The following RNF213 variants were observed in gnomAD, a reference collection of about 807,000 sequenced individuals.
The protein encoded by RNF213 is E3 ubiquitin-protein ligase RNF213.
A neutral mutation model predicts 514.4 loss-of-function variants in RNF213; 341 were observed. That is an observed-to-expected ratio of 0.66 (90% CI 0.61 to 0.73). The LOEUF (loss-of-function observed/expected upper bound fraction) is 0.73, where lower values mean the gene tolerates loss of function less well. RNF213 is among the 30% of genes least tolerant of loss of function. The pLI, the probability that RNF213 is intolerant of heterozygous loss-of-function variation, is 0.00. For synonymous variants in RNF213, 2,655 were observed against 2,658.2 expected (o/e 1.00, Z 0.04); for missense variants, 5,767 against 6,615.6 (o/e 0.87, Z 4.45).
rs142873017 is a variant in RNF213, at chr17:80,363,717, C to T, written c.11677C>T (p.Leu3893=). 2.4e-5 allele frequency: 38 copies of T among 1,613,810 alleles called. No individual in the cohort carries two copies. The highest frequency in any genetic ancestry group is 1.7e-4 in the African/African-American group (13 of 74,940). The change falls in exon 41 of 68, where the codon CTG becomes TTG. Residue 3893 remains leucine, a synonymous_variant. Coordinates refer to ENST00000582970, the MANE Select transcript of RNF213 (RefSeq NM_001256071.3). ...LQLVKNLSMP[L]ELICSDEHMQ... is the part of the protein sequence containing the mutation. Reference sequence around the variant, plus strand: ...GTTGGTGAAGAATCTTTCCATGCCGCTGGAGCTCATCTGCTCCGATGAGCA... The same window carrying T: ...GTTGGTGAAGAATCTTTCCATGCCGTTGGAGCTCATCTGCTCCGATGAGCA...
chr17:80,289,721 A>G lies in RNF213; in HGVS notation c.996A>G (p.Glu332=), dbSNP rs377600251. Residue 332 remains glutamate, a synonymous_variant, in exon 6 of 68, where the codon GAA becomes GAG. Coordinates refer to ENST00000582970, the MANE Select transcript of RNF213 (RefSeq NM_001256071.3). ...AAAEEKVGKN[E]QGEPEDLKKP... ...CTGAAGAAAAAGTCGGTAAGAATGA[A>G]CAAGGGGAGCCTGAAGACCTCAAGA... is the stretch of plus-strand genomic sequence containing the variant. 9 of 1,613,986 alleles carry G rather than the reference A, an allele frequency of 5.6e-6. No homozygotes were observed. Among genetic ancestry groups the G allele is most frequent in the Non-Finnish European group, 6.8e-6 (8 of 1,180,018 alleles).
In RNF213 at chr17:80,336,168, T is replaced by C; in HGVS notation, c.4317T>C (p.Asn1439=). The change falls in exon 23 of 68, where the codon AAT becomes AAC. Residue 1439 remains asparagine, a synonymous_variant. Transcript: ENST00000582970. ...CCCTCTTCTCTTCCCCAGGCATCAATGAGCTGAAGGTGTTTGTGGACCTGG... is the reference window on the plus strand; with the variant it reads ...CCCTCTTCTCTTCCCCAGGCATCAACGAGCTGAAGGTGTTTGTGGACCTGG... ...CWVREALGGI[N]ELKVFVDLAS... The C allele has an allele frequency of 6.5e-7, 1 of 1,537,106 alleles. No individual in the cohort carries two copies. Among genetic ancestry groups the C allele is most frequent in the South Asian group, 1.2e-5 (1 of 84,064 alleles).
chr17:80,306,216 G>C, intron 11 of RNF213, 36 bp from the exon 12 acceptor site: 2 of 1,593,030 alleles, frequency 1.3e-6, no homozygotes, highest in Non-Finnish European at 1.7e-6. Flanking sequence ...TGATCTCACT[G>C]CGTCTCTTTT....
In RNF213 at chr17:80,358,360, A is replaced by G; in HGVS notation, c.10935A>G (p.Arg3645=). ...LLASMISFID[R]DGNLELLTRP... is the part of the protein sequence containing the mutation. ...CGAGCATGATATCATTCATCGACAG[A>G]GACGGCAACCTAGAGTTACTGACCA... The change falls in exon 37 of 68, where the codon AGA becomes AGG. Residue 3645 remains arginine (R), a synonymous_variant. Coordinates refer to ENST00000582970, the MANE Select transcript of RNF213 (RefSeq NM_001256071.3). The G allele has an allele frequency of 6.2e-7, 1 of 1,614,204 alleles. No homozygotes were observed. Among genetic ancestry groups the G allele is most frequent in the Non-Finnish European group, 8.5e-7 (1 of 1,180,032 alleles).
At chr17:80,342,820 C>T (rs1020194562) in intron 26 of RNF213, among the ~76,000 whole-genome samples, 15 of 150,394 alleles carry the variant, frequency 1.0e-4, no homozygotes, top group African/African-American at 3.2e-4. Context: ...ATGACAACTG[C>T]ACCCTAAGGG....
In RNF213 at chr17:80,372,652, T is replaced by A; in HGVS notation, c.12669T>A (p.Val4223=). The change falls in exon 48 of 68, where the codon GTT becomes GTA. Residue 4223 remains valine, a synonymous_variant. Coordinates refer to ENST00000582970, the MANE Select transcript of RNF213 (RefSeq NM_001256071.3). Reference sequence around the variant, plus strand: ...GAGAGCCTGCCAACGAGGCCTCGGTTGAATACCTGCAAGAGGTGGCCCGGA... The same window carrying A: ...GAGAGCCTGCCAACGAGGCCTCGGTAGAATACCTGCAAGAGGTGGCCCGGA... ...RGREPANEAS[V]EYLQEVARIR... is the part of the protein sequence containing the mutation. 1.9e-6 allele frequency: 3 copies of A among 1,614,020 alleles called. No homozygotes were observed. The highest frequency in any genetic ancestry group is 2.5e-6 in the Non-Finnish European group (3 of 1,180,014).
intron 3 of RNF213, among the ~76,000 whole-genome samples, chr17:80,281,339 C>CA (rs2044264586): frequency 2.5e-5 from 1 of 40,282 alleles, no homozygotes. Flanking sequence ...CACACGCCCC[C>CA]ACACACACAC....
chr17:80,306,563 A>G, intron 12 of RNF213, 95 bp downstream of exon 12: 2 of 1,305,210 alleles, frequency 1.5e-6, no homozygotes, highest in Non-Finnish European at 2.2e-6. Flanking sequence ...CCTAAAAAAC[A>G]GACAGTGGGC....
rs1391953609 is a variant in RNF213, at chr17:80,352,988, T to C, written c.10352T>C (p.Met3451Thr). 1 of 1,613,950 alleles carries C rather than the reference T, an allele frequency of 6.2e-7. No homozygotes were observed. The highest frequency in any genetic ancestry group is 1.7e-5 in the Admixed American group (1 of 60,028). ...GATGACCTCCGGAGATCCACCCTCA[T>C]GGTTTCTGATGTGACCAGGCTGCAG... ...HIDDLRRSTL[M>T]VSDVTRLQHV... Residue 3451 changes from methionine (M) to threonine (T), a missense_variant, in exon 33 of 68, where the codon ATG becomes ACG. Transcript: ENST00000582970.
In RNF213 at chr17:80,393,644, T is replaced by A. The variant is rs545760501; in HGVS notation, c.*146T>A. The A allele has an allele frequency of 5.1e-5, 42 of 823,350 alleles. No homozygotes were observed. In the Admixed American group the frequency reaches 7.5e-4, roughly 15 times the overall value. The allele number at this position is 823,350 out of a possible 1,614,324, so 51.0% of individuals were successfully genotyped here. ...CACCGAATTCAAGACCAAGGCGTGC[T>A]ACCTGAGCTGACAGCTTTTTGAAAG... On this transcript the variant is annotated 3_prime_UTR_variant, in exon 68 of 68. Transcript: ENST00000582970.
Position 80,349,772 on chromosome 17 carries a change from C to T in RNF213, c.9954C>T (p.Ile3318=). The part of the protein sequence containing the change: ...DLERHAIFTE[I]TTFSRLLTSH... ...ATTTGCATTTCTTAACTCTGTAGAT[C>T]ACCACTTTCTCCAGGCTGCTAACAA... The change falls in exon 30 of 68, where the codon ATC becomes ATT. Residue 3318 remains isoleucine (I), a splice_region_variant and synonymous_variant. Transcript: ENST00000582970. 1 of 1,614,154 alleles carries T rather than the reference C, an allele frequency of 6.2e-7. No individual in the cohort carries two copies. Among genetic ancestry groups the T allele is most frequent in the East Asian group, 2.2e-5 (1 of 44,876 alleles).
At chr17:80,359,951 C>T (rs551044281) in intron 37 of RNF213, 110 bp from the exon 38 acceptor site, 1 of 1,127,524 alleles carries the variant, frequency 8.9e-7, no homozygotes, top group South Asian at 1.3e-5. Context: ...GGCCTGTTGG[C>T]CCCTTTGTTT....
chr17:80,358,550 C>A, intron 37 of RNF213, 71 bp downstream of exon 37: 1 of 1,409,714 alleles, frequency 7.1e-7, no homozygotes, highest in Non-Finnish European at 1.0e-6. Flanking sequence ...TATGCTCTCC[C>A]AAGTGCTGGG....
chr17:80,358,090 A>G (rs1238268673), intron 36 of RNF213, among the ~76,000 whole-genome samples, 198 bp from the exon 37 acceptor site: 1 of 152,234 alleles, frequency 6.6e-6, no homozygotes, highest in East Asian at 1.9e-4. Flanking sequence ...TCCGTCTCTA[A>G]TCTTAGACAT....
In RNF213 at chr17:80,331,998, T is replaced by A; in HGVS notation, c.3518-8T>A. The A allele has an allele frequency of 1.3e-6, 2 of 1,529,752 alleles. No individual in the cohort carries two copies. The highest frequency in any genetic ancestry group is 1.8e-6 in the Non-Finnish European group (2 of 1,141,234). 94.8% of individuals were successfully genotyped at this position (1,529,752 alleles called of 1,614,324 possible). A position where few individuals can be genotyped will look rare whatever the true frequency, so the allele number is the denominator to read the frequency against. On this transcript the variant is annotated splice_polypyrimidine_tract_variant and splice_region_variant and intron_variant, in intron 20 of 67. Coordinates refer to ENST00000582970, the MANE Select transcript of RNF213 (RefSeq NM_001256071.3). ...TTGACTTCTGACACTTTCTTTTCGC[T>A]TCTAAAGTGGACTTTGGAGTGCTTG...
intron 13 of RNF213, among the ~76,000 whole-genome samples, chr17:80,308,389 C>T (rs112158440): frequency 5.3e-5 from 8 of 151,998 alleles, no homozygotes; most frequent in African/African-American, 1.9e-4. Context: ...CCTAAGTGTC[C>T]TCTTAAGTCT....
chr17:80,264,039 G>A lies in RNF213; in HGVS notation c.97+261G>A, dbSNP rs1451222051. ...GTGCTTCCGTCCCTCGTTCAGGCCC[G>A]GCCTGAGTGAGCCCACCCGAGTGGG... On this transcript the variant is annotated intron_variant, in intron 2 of 67. Coordinates refer to ENST00000582970, the MANE Select transcript of RNF213 (RefSeq NM_001256071.3). The surrounding 1 kb of genome is among the most constrained non-coding windows in gnomAD (Gnocchi z 5.0). 6.6e-6 allele frequency among the ~76,000 whole-genome samples: 1 copy of A among 152,188 alleles called. No individual in the cohort carries two copies. The highest frequency in any genetic ancestry group is 2.4e-5 in the African/African-American group (1 of 41,446).
At chr17:80,271,389 C>T (rs1002769373) in intron 2 of RNF213, among the ~76,000 whole-genome samples, 2 of 152,210 alleles carry the variant, frequency 1.3e-5, no homozygotes, top group African/African-American at 4.8e-5. Context: ...TGGTCCCTGC[C>T]CTCCAGATCT....
chr17:80,342,119 A>T (rs536477552), intron 26 of RNF213: 2 of 152,270 alleles, frequency 1.3e-5, no homozygotes, highest in Non-Finnish European at 2.9e-5. Flanking sequence ...AGATATTCAG[A>T]TATTTGCCCC....
Sources: allele counts gnomAD v4.1 joint callset (sites outside exome capture counted in the v4.1 genomes callset), GRCh38; gene constraint gnomAD v4.1.1; non-coding constraint Gnocchi (gnomAD v3.1); transcripts MANE v1.5; gene names NCBI Gene and HGNC (gene_info 2026-07-23, HGNC 2026-07-21).